The following IL20RA variants were observed in gnomAD, a reference collection of about 807,000 sequenced individuals.
IL20RA encodes the protein interleukin-20 receptor subunit alpha.
In IL20RA, 29 loss-of-function variants were observed where a neutral mutation model predicts 36.5. The ratio of observed to expected loss-of-function variants is 0.79; its 90% confidence interval spans 0.59 to 1.08. The LOEUF is 1.08. Ranked by LOEUF, IL20RA falls within the 50% of genes least tolerant of loss-of-function variation. The pLI is 0.00. For synonymous variants in IL20RA, 279 were observed against 267.1 expected (o/e 1.04, Z -0.43); for missense variants, 652 against 668.4 (o/e 0.98, Z 0.27).
At chr6:137,041,493 T>C (rs575793529) in intron 1 of IL20RA, among the ~76,000 whole-genome samples, 1 of 152,238 alleles carries the variant, frequency 6.6e-6, no homozygotes, top group East Asian at 1.9e-4. Flanking sequence ...AATTAAAAGT[T>C]AAAAAAAGAA....
At chr6:137,004,174 T>TTTTTTTTTTAG (rs1554211835) in intron 6 of IL20RA, among the ~76,000 whole-genome samples, 5 of 124,450 alleles carry the variant, frequency 4.0e-5, no homozygotes, top group Admixed American at 8.3e-5. Flanking sequence ...TTTTTTTTTT[T>TTTTTTTTTTAG]TTTTTTTTTT....
chr6:137,010,236 G>A (rs1466326307), intron 3 of IL20RA, among the ~76,000 whole-genome samples: 1 of 152,218 alleles, frequency 6.6e-6, no homozygotes, highest in Non-Finnish European at 1.5e-5. Context: ...GGTCTGGACA[G>A]TAAATATTTC....
chr6:137,021,327 C>T (rs1345106914), intron 1 of IL20RA, among the ~76,000 whole-genome samples: 1 of 151,950 alleles, frequency 6.6e-6, no homozygotes, highest in Non-Finnish European at 1.5e-5. Flanking sequence ...TGGATTAGTT[C>T]TGGTTTCACC....
intron 1 of IL20RA, among the ~76,000 whole-genome samples, chr6:137,031,983 GC>G (rs1776303350): frequency 6.7e-6 from 1 of 149,374 alleles, no homozygotes; most frequent in Admixed American, 6.7e-5. Context: ...AACCTGGGAG[GC>G]AGAGGTTGTA....
intron 1 of IL20RA, among the ~76,000 whole-genome samples, chr6:137,030,184 G>A (rs1175854336): frequency 7.1e-6 from 1 of 140,712 alleles, no homozygotes; most frequent in African/African-American, 2.5e-5. Flanking sequence ...GGGCTCAAGT[G>A]GTCCTCCCTC....
At position 137,044,769 on chromosome 6, in the gene IL20RA, G is replaced by C; in HGVS notation, c.-41C>G. 8.3e-7 allele frequency: 1 copy of C among 1,209,130 alleles called. No individual in the cohort carries two copies. The highest frequency in any genetic ancestry group is 1.0e-6 in the Non-Finnish European group (1 of 973,346). 74.9% of individuals were successfully genotyped at this position (1,209,130 alleles called of 1,614,324 possible). ...GTCACATGTCGGGGGGCAGCAGACT[G>C]CTCAGTCCCACGCCCGCTGGGGCCA... On this transcript the variant is annotated 5_prime_UTR_variant, in exon 1 of 7. Coordinates refer to ENST00000316649, the MANE Select transcript of IL20RA (RefSeq NM_014432.4).
chr6:137,002,439 C>T (rs1238279385), intron 6 of IL20RA, 84 bp from the exon 7 acceptor site: 1 of 901,264 alleles, frequency 1.1e-6, no homozygotes, highest in African/African-American at 1.7e-5. Context: ...ATCTTGTCAC[C>T]AGACAGTTTT....
chr6:137,044,615 C>G (rs1471356808), intron 1 of IL20RA, 26 bp downstream of exon 1: 1 of 1,220,436 alleles, frequency 8.2e-7, no homozygotes, highest in Non-Finnish European at 1.0e-6. Flanking sequence ...ATCCCCGACC[C>G]GCACCTGGCG....
At chr6:137,043,996 A>C (rs1336662566) in intron 1 of IL20RA, 1 of 612,132 alleles carries the variant, frequency 1.6e-6, no homozygotes, top group East Asian at 1.4e-4. Context: ...AAACGAGTTA[A>C]AAGTTTTGTT....
In IL20RA at chr6:137,001,993, G is replaced by A. The variant is rs769627999; in HGVS notation, c.1227C>T (p.Asp409=). 1 of 1,614,188 alleles carries A rather than the reference G, an allele frequency of 6.2e-7. No individual in the cohort carries two copies. Among genetic ancestry groups the A allele is most frequent in the Admixed American group, 1.7e-5 (1 of 60,030 alleles). ...CCTGCTCTTCAGGCCCCGCACAAAT[G>A]TCAGTGGTTCTGACATCATATTCAT... ...IEYEYDVRTT[D]ICAGPEEQEL... The change falls in exon 7 of 7, where the codon GAC becomes GAT. Residue 409 remains aspartate (D), a synonymous_variant. Transcript: ENST00000316649.
rs576719096 is a variant in IL20RA, at chr6:137,030,601, C to T, written c.89-13498G>A. 2.0e-5 allele frequency among the ~76,000 whole-genome samples: 3 copies of T among 152,252 alleles called. No homozygotes were observed. In the East Asian group the frequency reaches 5.8e-4, roughly 29 times the overall value. On this transcript the variant is annotated intron_variant, in intron 1 of 6. Transcript: ENST00000316649. Reference sequence around the variant, plus strand: ...TTTATATTTATGTATTTAATTTACACTTGCACATGTGACATTGTCCTTAGG... The same window carrying T: ...TTTATATTTATGTATTTAATTTACATTTGCACATGTGACATTGTCCTTAGG...
At chr6:137,019,366 T>C (rs1453258127) in intron 1 of IL20RA, among the ~76,000 whole-genome samples, 1 of 152,082 alleles carries the variant, frequency 6.6e-6, no homozygotes, top group East Asian at 1.9e-4. Flanking sequence ...TGACCTCAGG[T>C]GATCCTGCCA....
At chr6:137,024,858 C>A (rs1383732990) in intron 1 of IL20RA, among the ~76,000 whole-genome samples, 3 of 152,108 alleles carry the variant, frequency 2.0e-5, no homozygotes. Context: ...GACACCTGGG[C>A]AGGAGACTGA....
chr6:137,018,668 A>G (rs1468405934), intron 1 of IL20RA, among the ~76,000 whole-genome samples: 1 of 152,158 alleles, frequency 6.6e-6, no homozygotes, highest in Non-Finnish European at 1.5e-5. Flanking sequence ...GAGATTACAT[A>G]GAGTGAATAT....
intron 1 of IL20RA, among the ~76,000 whole-genome samples, chr6:137,041,888 T>A (rs1345117274): frequency 1.3e-5 from 2 of 152,090 alleles, no homozygotes; most frequent in African/African-American, 4.8e-5. Flanking sequence ...TAGGTATACA[T>A]GTGCCATGGT....
intron 1 of IL20RA, among the ~76,000 whole-genome samples, chr6:137,030,661 G>A (rs181709633): frequency 1.3e-5 from 2 of 152,240 alleles, no homozygotes; most frequent in East Asian, 1.9e-4. Flanking sequence ...GGAACAGTGG[G>A]ACAAGGCAAT....
intron 1 of IL20RA, among the ~76,000 whole-genome samples, chr6:137,035,130 T>A (rs182310391): frequency 6.6e-6 from 1 of 152,118 alleles, no homozygotes; most frequent in African/African-American, 2.4e-5. Flanking sequence ...GATCTAAATT[T>A]ATATTGAATT....
intron 1 of IL20RA, among the ~76,000 whole-genome samples, chr6:137,018,421 T>A (rs751993712): frequency 2.0e-5 from 3 of 152,148 alleles, no homozygotes; most frequent in Non-Finnish European, 4.4e-5. Context: ...TTGTCATGAC[T>A]CCTACTTTTA....
chr6:137,043,288 CA>C lies in IL20RA; in HGVS notation c.88+1352del, dbSNP rs771562383. Among the ~76,000 whole-genome samples the C allele has an allele frequency of 4.6e-5, 7 of 152,030 alleles. No homozygotes were observed. The South Asian group carries it at 1.2e-3, about 27-fold the overall frequency. On this transcript the variant is annotated intron_variant, in intron 1 of 6. Transcript: ENST00000316649. The stretch of plus-strand genomic sequence containing the variant: ...TTATTTTTTTAATGTTTAGTATAGA[CA>C]GGGGTCTCCGTATGTTGCCCAGGCT...
Sources: gnomAD v4.1 joint callset for allele counts (sites outside exome capture counted in the v4.1 genomes callset) on GRCh38, gnomAD v4.1.1 for gene constraint, MANE v1.5 for transcripts, NCBI Gene and HGNC (gene_info 2026-07-23, HGNC 2026-07-21) for gene names.